MACC1: variants seen among roughly 807,000 people sequenced by gnomAD.
MACC1 encodes MET transcriptional regulator MACC1.
A neutral mutation model predicts 70.7 loss-of-function variants in MACC1; 79 were observed. The observed-to-expected ratio is 1.12, with a 90% confidence interval of 0.93 to 1.35. The LOEUF is 1.35. MACC1 is among the 40% of genes most tolerant of loss of function. The probability of loss-of-function intolerance (pLI) is 0.00; values close to 1 mark genes in which losing one functional copy is unlikely to be tolerated. For synonymous variants in MACC1, 361 were observed against 347.2 expected (o/e 1.04, Z -0.44); for missense variants, 1,106 against 978.1 (o/e 1.13, Z -1.74).
In MACC1 at chr7:20,179,681, TTTTTTG is replaced by T. The variant is rs1171845166; in HGVS notation, c.-217-8909_-217-8904del. Among the ~76,000 whole-genome samples the T allele has an allele frequency of 2.4e-4, 36 of 152,026 alleles. No individual in the cohort carries two copies. The East Asian group carries it at 2.9e-3, about 12-fold the overall frequency. Reference sequence around the variant, plus strand: ...ACAGAAGCCAGCAGGAGTTGTTGTTTTTTTTGTTTTTTGTTTTTTGTTTTCAAAAGG... The same window carrying T: ...ACAGAAGCCAGCAGGAGTTGTTGTTTTTTTTTGTTTTTTGTTTTCAAAAGG... On this transcript the variant is annotated intron_variant, in intron 1 of 6. Transcript: ENST00000400331.
chr7:20,163,328 T>A (rs1029540034), intron 3 of MACC1, among the ~76,000 whole-genome samples: 7 of 152,228 alleles, frequency 4.6e-5, no homozygotes, highest in Non-Finnish European at 1.5e-5. Context: ...GTTGTGGAAG[T>A]GTCAATATGT....
At chr7:20,200,207 G>A (rs1490280887) in intron 1 of MACC1, among the ~76,000 whole-genome samples, 2 of 151,788 alleles carry the variant, frequency 1.3e-5, no homozygotes, top group Non-Finnish European at 2.9e-5. Flanking sequence ...GAAAAAACAC[G>A]AAGAATCTTT....
intron 1 of MACC1, among the ~76,000 whole-genome samples, chr7:20,187,697 CT>C (rs942783342): frequency 6.6e-4 from 100 of 152,310 alleles, no homozygotes; most frequent in African/African-American, 2.2e-3. Flanking sequence ...ATCAGACTTG[CT>C]TTCAATTTGG....
chr7:20,149,524 G>A (rs1157865023), intron 6 of MACC1, among the ~76,000 whole-genome samples: 3 of 152,136 alleles, frequency 2.0e-5, no homozygotes, highest in Non-Finnish European at 4.4e-5. Flanking sequence ...GAAAAGTAAA[G>A]TAATTTGCCC....
chr7:20,208,613 C>T (rs963188065), intron 1 of MACC1, among the ~76,000 whole-genome samples: 32 of 152,054 alleles, frequency 2.1e-4, no homozygotes, highest in South Asian at 8.3e-4. Context: ...GAGAAAGCAA[C>T]GCATAAAAGT....
At chr7:20,191,346 G>C (rs1177471916) in intron 1 of MACC1, among the ~76,000 whole-genome samples, 1 of 152,208 alleles carries the variant, frequency 6.6e-6, no homozygotes, top group East Asian at 1.9e-4. Flanking sequence ...ACACAGGAGG[G>C]CATACCCATG....
chr7:20,146,148 G>GA (rs377648424), intron 6 of MACC1, among the ~76,000 whole-genome samples: 10,530 of 86,300 alleles, frequency 0.12, 1,081 homozygotes, highest in African/African-American at 0.33. Flanking sequence ...ATCTCAAAAA[G>GA]AAAAAAAAAA....
intron 1 of MACC1, among the ~76,000 whole-genome samples, chr7:20,175,348 T>C (rs1253874235): frequency 6.6e-6 from 1 of 152,096 alleles, no homozygotes; most frequent in Non-Finnish European, 1.5e-5. Flanking sequence ...ACAAAATATA[T>C]ACACATATTT....
rs1782123686 is a variant in MACC1 at position 20,160,303 on chromosome 7, A to G, written c.116-58T>C. 2.0e-6 allele frequency: 3 copies of G among 1,476,716 alleles called. No individual in the cohort carries two copies. The Admixed American group carries it at 7.8e-5, about 38-fold the overall frequency. The allele number at this position is 1,476,716 out of a possible 1,614,324, so 91.5% of individuals were successfully genotyped here. A position where few individuals can be genotyped will look rare whatever the true frequency, so the allele number is the denominator to read the frequency against. ...AGATAAGGTGGCACTGTGAGTTACAATCAAGATTAATTTTTCCCATAGCTT... is the reference window on the plus strand; with the variant it reads ...AGATAAGGTGGCACTGTGAGTTACAGTCAAGATTAATTTTTCCCATAGCTT... On this transcript the variant is annotated intron_variant, in intron 4 of 6. Coordinates refer to ENST00000400331, the MANE Select transcript of MACC1 (RefSeq NM_182762.4).
chr7:20,166,834 A>G (rs533956372), intron 2 of MACC1, among the ~76,000 whole-genome samples: 27 of 152,334 alleles, frequency 1.8e-4, no homozygotes, highest in Non-Finnish European at 2.8e-4. Context: ...TCACTGGCAG[A>G]ACTGAAGTTC....
intron 1 of MACC1, among the ~76,000 whole-genome samples, chr7:20,215,708 CT>C (rs1783059825): frequency 6.6e-6 from 1 of 152,146 alleles, no homozygotes; most frequent in Non-Finnish European, 1.5e-5. Context: ...AAAGAATTCT[CT>C]AAAAATTCAA....
At chr7:20,191,930 G>A (rs965378043) in intron 1 of MACC1, among the ~76,000 whole-genome samples, 2 of 152,170 alleles carry the variant, frequency 1.3e-5, no homozygotes, top group Non-Finnish European at 2.9e-5. Context: ...GCCTAAAGTT[G>A]CTAATGGAAA....
chr7:20,163,481 AT>A (rs1030231249), intron 3 of MACC1, among the ~76,000 whole-genome samples: 1 of 152,252 alleles, frequency 6.6e-6, no homozygotes, highest in Admixed American at 6.5e-5. Flanking sequence ...TCATTACATT[AT>A]CAAGAAAACT....
chr7:20,158,537 A>G lies in MACC1; in HGVS notation c.1824T>C (p.Leu608=). Reference sequence around the variant, plus strand: ...TCACCTTGACATTTTTGCAGTGTACAAGTCCAATCTTACCTCTGAGGACTC... The same window carrying G: ...TCACCTTGACATTTTTGCAGTGTACGAGTCCAATCTTACCTCTGAGGACTC... ...YVGVLRGKIG[L]VHCKNVKVIS... is the part of the protein sequence containing the mutation. Residue 608 remains leucine (L), a synonymous_variant, in exon 5 of 7, where the codon CTT becomes CTC. Coordinates refer to ENST00000400331, the MANE Select transcript of MACC1 (RefSeq NM_182762.4). 1 of 1,614,144 alleles carries G rather than the reference A, an allele frequency of 6.2e-7. No individual in the cohort carries two copies. The highest frequency in any genetic ancestry group is 1.3e-5 in the African/African-American group (1 of 75,074).
Position 20,209,170 on chromosome 7 carries a change from C to T in MACC1, c.-218+8129G>A, listed in dbSNP as rs187579720. ...AAGGGAAATGTGGGATTGGAGCCCC[C>T]ACACATAGTCCGCTCTGGGGCACTG... On this transcript the variant is annotated intron_variant, in intron 1 of 6. Coordinates refer to ENST00000400331, the MANE Select transcript of MACC1 (RefSeq NM_182762.4). Among the ~76,000 whole-genome samples, 66 of 152,346 alleles carry T rather than the reference C, an allele frequency of 4.3e-4. No individual in the cohort carries two copies. The Middle Eastern group carries it at 0.02, about 47-fold the overall frequency.
intron 1 of MACC1, 77 bp downstream of exon 1, chr7:20,217,222 G>A (rs1284103777): frequency 6.6e-6 from 1 of 152,092 alleles, no homozygotes; most frequent in Non-Finnish European, 1.5e-5. Context: ...ACATTTTTCT[G>A]GAAATTATAC....
At chr7:20,193,726 G>GT (rs1232801703) in intron 1 of MACC1, among the ~76,000 whole-genome samples, 1 of 151,616 alleles carries the variant, frequency 6.6e-6, no homozygotes, top group East Asian at 1.9e-4. Context: ...AAATAAACAT[G>GT]TCATTAGGAA....
rs569619735 is a variant in MACC1 at position 20,139,151 on chromosome 7, T to C, written c.*1795A>G. On this transcript the variant is annotated 3_prime_UTR_variant, in exon 7 of 7. Transcript: ENST00000400331. ...TTACCCACATTTCTTTGAGGCTGTGTGTTTTCTTTCTAAATTCTAGCAGCC... is the reference window on the plus strand; with the variant it reads ...TTACCCACATTTCTTTGAGGCTGTGCGTTTTCTTTCTAAATTCTAGCAGCC... 75 of 152,320 alleles carry C rather than the reference T, an allele frequency of 4.9e-4. No homozygotes were observed. The highest frequency in any genetic ancestry group is 1.8e-3 in the African/African-American group (74 of 41,570). 9.4% of individuals were successfully genotyped at this position (152,320 alleles called of 1,614,324 possible). A position where few individuals can be genotyped will look rare whatever the true frequency, so the allele number is the denominator to read the frequency against.
At chr7:20,169,961 C>T (rs765646498) in intron 2 of MACC1, among the ~76,000 whole-genome samples, 84 of 152,312 alleles carry the variant, frequency 5.5e-4, no homozygotes, top group Non-Finnish European at 5.0e-4. Context: ...AGAATCTTCT[C>T]CTCTCAATCA....
Sources: gnomAD v4.1 joint callset for allele counts (sites outside exome capture counted in the v4.1 genomes callset) on GRCh38, gnomAD v4.1.1 for gene constraint, MANE v1.5 for transcripts, NCBI Gene and HGNC (gene_info 2026-07-23, HGNC 2026-07-21) for gene names.